DPH6: variants seen among roughly 807,000 people sequenced by gnomAD.
DPH6 encodes the protein diphthine--ammonia ligase.
A neutral mutation model predicts 38.2 loss-of-function variants in DPH6; 33 were observed. The observed-to-expected ratio is 0.86, with a 90% CI of 0.65 to 1.15. The LOEUF (loss-of-function observed/expected upper bound fraction) is 1.15, where lower values mean the gene tolerates loss of function less well. Among genes scored for constraint, DPH6 ranks in the 50% most tolerant of loss-of-function variants. DPH6 has a pLI of 0.00. For synonymous variants in DPH6, 108 were observed against 103.0 expected (o/e 1.05, Z -0.30); for missense variants, 325 against 320.0 (o/e 1.02, Z -0.12).
the DPH6 span, among the ~76,000 whole-genome samples, chr15:35,211,628 C>A: frequency 6.6e-6 from 1 of 152,132 alleles, no homozygotes; most frequent in Non-Finnish European, 1.5e-5. Flanking sequence ...AAGAGAAATT[C>A]AAAGCATGTT....
the DPH6 span, among the ~76,000 whole-genome samples, chr15:35,198,137 G>T: frequency 2.0e-4 from 29 of 147,028 alleles, no homozygotes; most frequent in African/African-American, 6.7e-4. Flanking sequence ...TACTCTAGTT[G>T]TTTTTTTTTT....
the DPH6 span, among the ~76,000 whole-genome samples, chr15:35,197,236 G>C: frequency 6.6e-6 from 1 of 152,218 alleles, no homozygotes; most frequent in East Asian, 1.9e-4. Flanking sequence ...GTGCTGAACA[G>C]GGAAATCTAC....
At chr15:35,475,551 G>T (rs554561320) in intron 3 of DPH6, among the ~76,000 whole-genome samples, 3 of 151,946 alleles carry the variant, frequency 2.0e-5, no homozygotes, top group Admixed American at 6.6e-5. Flanking sequence ...TGGTTAAAAT[G>T]AATTATATAT....
At chr15:35,312,998 C>T (rs1260878814) in intron 3 of DPH6, among the ~76,000 whole-genome samples, 36 of 152,170 alleles carry the variant, frequency 2.4e-4, no homozygotes, top group African/African-American at 7.5e-4. Context: ...GAGGCTAAGG[C>T]GGGTGGATCA....
chr15:35,190,582 C>A, the DPH6 span, among the ~76,000 whole-genome samples: 2 of 152,194 alleles, frequency 1.3e-5, no homozygotes, highest in Non-Finnish European at 2.9e-5. Context: ...GTGATGTTAT[C>A]CCCAAGAGCA....
intron 3 of DPH6, among the ~76,000 whole-genome samples, chr15:35,262,705 CAAAAAAAAAA>C (rs58580024): frequency 4.5e-4 from 37 of 82,618 alleles, no homozygotes; most frequent in African/African-American, 1.9e-3. Context: ...GACTCCGTCT[CAAAAAAAAAA>C]AAAAAAAAAA....
chr15:35,226,152 ATAT>A (rs1566843693), intron 3 of DPH6, among the ~76,000 whole-genome samples: 4 of 152,026 alleles, frequency 2.6e-5, no homozygotes, highest in South Asian at 4.1e-4. Context: ...AAAAATAAAA[ATAT>A]TATTATAGAA....
At chr15:35,180,473 TAATTA>T in the DPH6 span, among the ~76,000 whole-genome samples, 1 of 148,874 alleles carries the variant, frequency 6.7e-6, no homozygotes, top group Non-Finnish European at 1.5e-5. Context: ...AATGCCTAAT[TAATTA>T]AAAGATGTAT....
At chr15:35,543,415 A>G (rs866030363) in intron 1 of DPH6, among the ~76,000 whole-genome samples, 1 of 151,718 alleles carries the variant, frequency 6.6e-6, no homozygotes, top group South Asian at 2.1e-4. Flanking sequence ...AGTAAAGACA[A>G]GCAGTAGCTC....
chr15:35,164,119 T>C, the DPH6 span, among the ~76,000 whole-genome samples: 2 of 151,798 alleles, frequency 1.3e-5, no homozygotes, highest in Admixed American at 6.6e-5. Flanking sequence ...TCACAGTAGA[T>C]GTAATTACTG....
chr15:35,230,901 T>C (rs564415866), intron 3 of DPH6, among the ~76,000 whole-genome samples: 2 of 152,302 alleles, frequency 1.3e-5, no homozygotes, highest in Admixed American at 1.3e-4. Context: ...TCCTCCCCAC[T>C]TTTCCATCTC....
rs762826567 is a variant in DPH6 at position 35,450,628 on chromosome 15, T to A, written c.505+57A>T. On this transcript the variant is annotated intron_variant, in intron 5 of 8. Coordinates refer to ENST00000256538, the MANE Select transcript of DPH6 (RefSeq NM_080650.4). ...TTTGTTCATTTTAACTACTTATTAG[T>A]GAACTGAGATCATCTATGTGGCAAC... 2.5e-4 allele frequency: 333 copies of A among 1,348,582 alleles called. 1 individual carries two copies. Among genetic ancestry groups the A allele is most frequent in the Non-Finnish European group, 3.3e-4 (310 of 949,450 alleles). The allele number at this position is 1,348,582 out of a possible 1,614,324, so 83.5% of individuals were successfully genotyped here.
rs527602655 is a variant in DPH6 at position 35,263,234 on chromosome 15, C to T, written n.201-42652G>A. Among the ~76,000 whole-genome samples the T allele has an allele frequency of 2.5e-3, 377 of 152,148 alleles. 1 individual carries two copies. Among genetic ancestry groups the T allele is most frequent in the Non-Finnish European group, 4.3e-3 (295 of 67,996 alleles). On this transcript the variant is annotated intron_variant and non_coding_transcript_variant, in intron 3 of 3. Transcript: ENST00000560386. The stretch of plus-strand genomic sequence containing the variant: ...GGTCTCAGACATTTTATAAACATCT[C>T]ATTAATCTTCACAACCCTCCAGTGA...
chr15:35,487,840 C>T (rs1032123035), intron 3 of DPH6, among the ~76,000 whole-genome samples: 1 of 152,200 alleles, frequency 6.6e-6, no homozygotes, highest in Non-Finnish European at 1.5e-5. Context: ...TTACACTCCG[C>T]TTCCCTTTTA....
At chr15:35,430,400 A>AAG (rs969340840) in intron 5 of DPH6, among the ~76,000 whole-genome samples, 1 of 151,880 alleles carries the variant, frequency 6.6e-6, no homozygotes, top group African/African-American at 2.4e-5. Flanking sequence ...ACTGAAAAAA[A>AAG]AAAAAAATGC....
At chr15:35,517,693 G>C (rs905312546) in intron 3 of DPH6, among the ~76,000 whole-genome samples, 1 of 151,956 alleles carries the variant, frequency 6.6e-6, no homozygotes, top group African/African-American at 2.4e-5. Context: ...TTACATTCAA[G>C]ATTACTCAAA....
Position 35,493,228 on chromosome 15 carries a change from C to T in DPH6, c.313-38408G>A, listed in dbSNP as rs192314211. On this transcript the variant is annotated intron_variant, in intron 3 of 8. Transcript: ENST00000256538. ...ATTTATTGTTTCTAAATAAGTTAAA[C>T]TGCCACAAATATTAAATGAGTGTAT... 4.4e-3 allele frequency among the ~76,000 whole-genome samples: 674 copies of T among 152,248 alleles called. 8 individuals carry two copies. Among genetic ancestry groups the T allele is most frequent in the African/African-American group, 0.015 (622 of 41,566 alleles).
intron 3 of DPH6, among the ~76,000 whole-genome samples, chr15:35,283,249 T>C (rs2051914616): frequency 6.8e-6 from 1 of 146,424 alleles, no homozygotes; most frequent in African/African-American, 2.5e-5. Flanking sequence ...TTCCTCCTCC[T>C]ACTCCTCTTC....
rs540362210 is a variant in DPH6, at chr15:35,396,847, G to C, written c.567+13988C>G. Among the ~76,000 whole-genome samples, 3 of 152,158 alleles carry C rather than the reference G, an allele frequency of 2.0e-5. No homozygotes were observed. In the East Asian group the frequency reaches 5.8e-4, roughly 29 times the overall value. ...GCATTTTTTTCCATAAAGTCACTCT[G>C]CAGGGAACAAGTCTTAAAATTCTGT... On this transcript the variant is annotated intron_variant, in intron 6 of 8. Transcript: ENST00000256538.
Sources: allele counts gnomAD v4.1 joint callset (sites outside exome capture counted in the v4.1 genomes callset), GRCh38; gene constraint gnomAD v4.1.1; transcripts MANE v1.5; gene names NCBI Gene and HGNC (gene_info 2026-07-23, HGNC 2026-07-21).